Variants in DCT observed in about 807,000 individuals in gnomAD.
DCT encodes L-dopachrome tautomerase.
A neutral mutation model predicts 53.0 loss-of-function variants in DCT; 47 were observed. That is an observed-to-expected ratio of 0.89 (90% CI 0.70 to 1.13). DCT has a LOEUF of 1.13. Ranked by LOEUF, DCT falls within the 50% of genes most tolerant of loss-of-function variation. The pLI, the probability that DCT is intolerant of heterozygous loss-of-function variation, is 0.00. For missense variants in DCT, 669 were observed against 637.4 expected (o/e 1.05, Z -0.53); for synonymous variants, 244 against 237.0 (o/e 1.03, Z -0.27).
chr13:94,529,086 C>T, the DCT span, among the ~76,000 whole-genome samples: 2 of 152,180 alleles, frequency 1.3e-5, no homozygotes, highest in Non-Finnish European at 2.9e-5. Context: ...CCAAGAAGAG[C>T]TAACTATCCT....
intron 7 of DCT, 135 bp downstream of exon 7, chr13:94,443,301 A>G (rs528636257): frequency 1.0e-5 from 7 of 681,260 alleles, no homozygotes; most frequent in Middle Eastern, 2.8e-4. Flanking sequence ...ATATGCTAGA[A>G]AAATGGTCAA....
the DCT span, among the ~76,000 whole-genome samples, chr13:94,521,668 AAAAACAAAAAC>A: frequency 3.4e-5 from 5 of 148,778 alleles, no homozygotes; most frequent in South Asian, 2.2e-4. Flanking sequence ...AGACTCTGTA[AAAAACAAAAAC>A]AAAACAAAAA....
the DCT span, among the ~76,000 whole-genome samples, chr13:94,519,408 C>T: frequency 3.3e-5 from 5 of 152,074 alleles, no homozygotes; most frequent in East Asian, 9.6e-4. Flanking sequence ...AAAAGATGAG[C>T]AAAACCTGGT....
the DCT span, among the ~76,000 whole-genome samples, chr13:94,515,470 A>T: frequency 1.8e-4 from 27 of 152,318 alleles, no homozygotes; most frequent in Non-Finnish European, 1.5e-4. Context: ...GAAGTAAAGT[A>T]AACACCATGG....
the DCT span, among the ~76,000 whole-genome samples, chr13:94,495,979 C>T: frequency 6.6e-5 from 10 of 152,154 alleles, no homozygotes; most frequent in South Asian, 2.1e-3. Context: ...CAGAAAGGAA[C>T]AACGCGCCTC....
the DCT span, among the ~76,000 whole-genome samples, chr13:94,494,074 A>G: frequency 3.9e-5 from 6 of 152,196 alleles, no homozygotes; most frequent in Non-Finnish European, 8.8e-5. Flanking sequence ...TTCCACCTAA[A>G]AGTCTGGATC....
the DCT span, among the ~76,000 whole-genome samples, chr13:94,497,301 A>G: frequency 6.6e-6 from 1 of 152,120 alleles, no homozygotes; most frequent in South Asian, 2.1e-4. Context: ...CTGCCAGGCT[A>G]CTCTGCAGAT....
At chr13:94,488,637 C>T in the DCT span, among the ~76,000 whole-genome samples, 1 of 151,664 alleles carries the variant, frequency 6.6e-6, no homozygotes, top group African/African-American at 2.4e-5. Flanking sequence ...ATAGCTTGAG[C>T]CCAAGAGGCA....
chr13:94,469,096 A>G, intron 1 of DCT, 51 bp from the exon 2 acceptor site: 4 of 1,480,342 alleles, frequency 2.7e-6, no homozygotes, highest in Non-Finnish European at 3.7e-6. Context: ...TGTCGTTTGG[A>G]AGAAATTTCT....
At chr13:94,469,645 G>A (rs1884498098) in intron 1 of DCT, among the ~76,000 whole-genome samples, 1 of 152,162 alleles carries the variant, frequency 6.6e-6, no homozygotes, top group African/African-American at 2.4e-5. Context: ...GCAGACTCAT[G>A]CACACACTCC....
At chr13:94,476,585 C>T (rs1885102899) in intron 1 of DCT, among the ~76,000 whole-genome samples, 1 of 151,142 alleles carries the variant, frequency 6.6e-6, no homozygotes. Flanking sequence ...AAGTGATTCT[C>T]CTGTCTCAGC....
the DCT span, among the ~76,000 whole-genome samples, chr13:94,543,890 C>G: frequency 6.6e-6 from 1 of 151,986 alleles, no homozygotes; most frequent in African/African-American, 2.4e-5. Context: ...CAAAAATTAG[C>G]TGGGCATGGT....
chr13:94,508,612 G>A, the DCT span, among the ~76,000 whole-genome samples: 1 of 152,160 alleles, frequency 6.6e-6, no homozygotes, highest in Non-Finnish European at 1.5e-5. Context: ...CCAATTGGAG[G>A]AGAAAGACTC....
At chr13:94,528,235 A>G in the DCT span, among the ~76,000 whole-genome samples, 3 of 152,210 alleles carry the variant, frequency 2.0e-5, no homozygotes, top group South Asian at 4.1e-4. Context: ...ATCCAGGAGA[A>G]CTTCCCTAAC....
At chr13:94,543,008 T>A in the DCT span, among the ~76,000 whole-genome samples, 1 of 152,198 alleles carries the variant, frequency 6.6e-6, no homozygotes, top group Non-Finnish European at 1.5e-5. Context: ...TTCTTTGACA[T>A]AGAATAAGTA....
chr13:94,540,685 T>TAGA, the DCT span, among the ~76,000 whole-genome samples: 1 of 152,184 alleles, frequency 6.6e-6, no homozygotes, highest in South Asian at 2.1e-4. Flanking sequence ...GGAACCCTCG[T>TAGA]ACACTGTTGG....
chr13:94,461,018 G>A (rs1883752108), intron 5 of DCT, among the ~76,000 whole-genome samples: 1 of 152,178 alleles, frequency 6.6e-6, no homozygotes, highest in Non-Finnish European at 1.5e-5. Context: ...TCAGTCTGCT[G>A]AGGTTGGACA....
chr13:94,543,869 T>C, the DCT span, among the ~76,000 whole-genome samples: 1 of 152,012 alleles, frequency 6.6e-6, no homozygotes, highest in South Asian at 2.1e-4. Context: ...ACCCCATCAC[T>C]ACTAAAAATA....
chr13:94,492,567 A>G, the DCT span, among the ~76,000 whole-genome samples: 1 of 152,194 alleles, frequency 6.6e-6, no homozygotes, highest in Admixed American at 6.6e-5. Context: ...ATAGACCATG[A>G]CTATTACTTG....
Sources: gnomAD v4.1 joint callset for allele counts (sites outside exome capture counted in the v4.1 genomes callset) on GRCh38, gnomAD v4.1.1 for gene constraint, MANE v1.5 for transcripts, NCBI Gene and HGNC (gene_info 2026-07-23, HGNC 2026-07-21) for gene names.